EBF1: variants seen among roughly 807,000 people sequenced by gnomAD.
EBF1 encodes EBF transcription factor 1, also known as transcription factor COE1.
Under a neutral mutation model 68.4 loss-of-function variants are expected in EBF1, and 10 were observed. The ratio of observed to expected loss-of-function variants is 0.15; its 90% CI spans 0.09 to 0.25. The LOEUF (loss-of-function observed/expected upper bound fraction) is 0.25. Among genes scored for constraint, EBF1 ranks in the 10% least tolerant of loss-of-function variants. EBF1 has a pLI of 1.00. For missense variants in EBF1, 509 were observed against 794.4 expected (o/e 0.64, Z 4.32); for synonymous variants, 298 against 299.8 (o/e 0.99, Z 0.06).
chr5:158,947,728 G>T (rs1378953293), intron 6 of EBF1, among the ~76,000 whole-genome samples: 1 of 152,194 alleles, frequency 6.6e-6, no homozygotes. Context: ...CAGAGGGATA[G>T]CAGCCAACAG....
chr5:158,854,881 AGGCACTG>A (rs1186172352), intron 6 of EBF1, among the ~76,000 whole-genome samples: 1 of 152,180 alleles, frequency 6.6e-6, no homozygotes, highest in African/African-American at 2.4e-5. Context: ...AGCACATGCC[AGGCACTG>A]GGCATTTACA....
chr5:159,040,571 A>T (rs1770995170), intron 6 of EBF1, among the ~76,000 whole-genome samples: 1 of 152,226 alleles, frequency 6.6e-6, no homozygotes, highest in South Asian at 2.1e-4. Flanking sequence ...AAACAGGGAA[A>T]GCATCCTTGG....
At chr5:158,876,168 T>G (rs1000541356) in intron 6 of EBF1, among the ~76,000 whole-genome samples, 3 of 152,154 alleles carry the variant, frequency 2.0e-5, no homozygotes, top group Non-Finnish European at 2.9e-5. Flanking sequence ...ATAATAATAT[T>G]AGCAGGAACA....
At chr5:158,869,847 T>C (rs1318186445) in intron 6 of EBF1, among the ~76,000 whole-genome samples, 1 of 152,196 alleles carries the variant, frequency 6.6e-6, no homozygotes, top group African/African-American at 2.4e-5. Context: ...CCTATTTTGT[T>C]TGCCTTTCTT....
chr5:158,902,562 G>A (rs1803638182), intron 6 of EBF1, among the ~76,000 whole-genome samples: 1 of 150,064 alleles, frequency 6.7e-6, no homozygotes, highest in Non-Finnish European at 1.5e-5. Context: ...AAGTATCTAG[G>A]ACTACAGGCA....
At chr5:158,763,593 A>G (rs577435493) in intron 10 of EBF1, among the ~76,000 whole-genome samples, 5 of 152,270 alleles carry the variant, frequency 3.3e-5, no homozygotes, top group Admixed American at 2.0e-4. Context: ...AACATATCAC[A>G]TATTGGAAGG....
At chr5:158,917,636 C>T (rs1191240863) in intron 6 of EBF1, among the ~76,000 whole-genome samples, 1 of 152,194 alleles carries the variant, frequency 6.6e-6, no homozygotes, top group Admixed American at 6.5e-5. Flanking sequence ...CATTGCTTAG[C>T]TCAAAACCTA....
At chr5:158,757,170 G>A (rs141478612) in intron 10 of EBF1, among the ~76,000 whole-genome samples, 1 of 152,070 alleles carries the variant, frequency 6.6e-6, no homozygotes, top group East Asian at 1.9e-4. Flanking sequence ...AGGAGAAAAG[G>A]GCTTCAGTGG....
At chr5:158,760,347 T>A (rs1771136996) in intron 10 of EBF1, among the ~76,000 whole-genome samples, 2 of 152,052 alleles carry the variant, frequency 1.3e-5, no homozygotes, top group Admixed American at 1.3e-4. Context: ...TAACAAGAAA[T>A]ACAACAGCCA....
intron 6 of EBF1, among the ~76,000 whole-genome samples, chr5:158,970,738 G>A (rs971716618): frequency 6.6e-6 from 1 of 152,156 alleles, no homozygotes; most frequent in African/African-American, 2.4e-5. Context: ...ATGTCTGTTA[G>A]TAAACCTAGA....
intron 15 of EBF1, chr5:158,707,587 C>CG (rs1758137116): frequency 3.9e-6 from 1 of 255,660 alleles, no homozygotes; most frequent in Admixed American, 4.8e-5. Context: ...AGGCCAGTCC[C>CG]GGGAGAGACC....
chr5:158,737,564 G>A (rs578178190), intron 10 of EBF1, among the ~76,000 whole-genome samples: 57 of 152,112 alleles, frequency 3.7e-4, no homozygotes, highest in Non-Finnish European at 6.8e-4. Context: ...GATTACAACC[G>A]TGAGCCACCG....
At chr5:158,857,992 A>C (rs1461729318) in intron 6 of EBF1, among the ~76,000 whole-genome samples, 2 of 152,214 alleles carry the variant, frequency 1.3e-5, no homozygotes, top group Non-Finnish European at 2.9e-5. Context: ...GCTCATCTGC[A>C]GAAATGTGTT....
chr5:158,842,372 C>T (rs899635551), intron 6 of EBF1, among the ~76,000 whole-genome samples: 1 of 152,198 alleles, frequency 6.6e-6, no homozygotes, highest in Non-Finnish European at 1.5e-5. Context: ...AAACTGGCTG[C>T]TGCTTTCAAG....
chr5:158,809,584 A>G (rs1161024058), intron 8 of EBF1, among the ~76,000 whole-genome samples: 1 of 152,182 alleles, frequency 6.6e-6, no homozygotes, highest in Non-Finnish European at 1.5e-5. Context: ...AGACCCACAT[A>G]TGAATTACAG....
chr5:158,806,254 T>C (rs1264109741), intron 8 of EBF1, among the ~76,000 whole-genome samples: 1 of 152,104 alleles, frequency 6.6e-6, no homozygotes, highest in African/African-American at 2.4e-5. Flanking sequence ...CAGTGACAAG[T>C]TTCCCAGGCA....
intron 6 of EBF1, among the ~76,000 whole-genome samples, chr5:158,927,399 C>A (rs1441717517): frequency 6.6e-6 from 1 of 152,130 alleles, no homozygotes; most frequent in Non-Finnish European, 1.5e-5. Context: ...CTTCTTGTGT[C>A]CCGGAGCCCC....
intron 13 of EBF1, among the ~76,000 whole-genome samples, chr5:158,712,547 T>C (rs1160776021): frequency 6.6e-6 from 1 of 152,222 alleles, no homozygotes. Flanking sequence ...TCATAAATAC[T>C]TAGCAGGGCC....
intron 10 of EBF1, among the ~76,000 whole-genome samples, chr5:158,750,722 G>GAAA (rs1581575213): frequency 6.6e-6 from 1 of 151,260 alleles, no homozygotes; most frequent in Non-Finnish European, 1.5e-5. Flanking sequence ...AGCATTATAT[G>GAAA]AAAAAATTAT....
Sources: gnomAD v4.1 joint callset for allele counts (sites outside exome capture counted in the v4.1 genomes callset) on GRCh38, gnomAD v4.1.1 for gene constraint, MANE v1.5 for transcripts, NCBI Gene and HGNC (gene_info 2026-07-23, HGNC 2026-07-21) for gene names.